Variants in ABCA3 observed in about 807,000 individuals in gnomAD.
The protein encoded by ABCA3 is phospholipid-transporting ATPase ABCA3.
ABCA3 carries 88 observed loss-of-function variants against 172.8 expected under a neutral mutation model. That is an observed-to-expected ratio of 0.51 (90% CI 0.43 to 0.61). The LOEUF is 0.61. Ranked by LOEUF, ABCA3 falls within the 20% of genes least tolerant of loss-of-function variation. The probability of loss-of-function intolerance (pLI) is 0.00; values close to 1 mark genes in which losing one functional copy is unlikely to be tolerated. For synonymous variants in ABCA3, 1,066 were observed against 983.8 expected, an observed-to-expected ratio of 1.08 and a Z score of -1.56; for missense variants, 2,164 against 2,301.0, an observed-to-expected ratio of 0.94 and a Z score of 1.22.
rs1412625046 is a variant in ABCA3, at chr16:2,317,399, T to C, written c.995A>G (p.Lys332Arg). ...FMTLLFCVKVKPNVAVLSRSD... is the reference protein window; with the variant it reads ...FMTLLFCVKVRPNVAVLSRSD... The stretch of plus-strand genomic sequence containing the variant: ...GCGGGACAGCACGGCTACATTTGGC[T>C]TCACCTGCAGGGCACAGGCATGAGT... Residue 332 changes from lysine to arginine, a missense_variant, in exon 10 of 33, where the codon AAG becomes AGG. Lys to Arg is a conservative substitution (Grantham distance 26). Coordinates refer to ENST00000301732, the MANE Select transcript of ABCA3 (RefSeq NM_001089.3). 6.2e-7 allele frequency: 1 copy of C among 1,613,582 alleles called. No homozygotes were observed. The highest frequency in any genetic ancestry group is 2.2e-5 in the East Asian group (1 of 44,856).
chr16:2,315,586 A>C (rs1055453856), intron 10 of ABCA3, among the ~76,000 whole-genome samples: 4 of 152,228 alleles, frequency 2.6e-5, no homozygotes, highest in Admixed American at 2.6e-4. Flanking sequence ...GACTCTAAAA[A>C]GCCAGGTACA....
At position 2,277,542 on chromosome 16, in the gene ABCA3, G is replaced by A; in HGVS notation, c.4983+55C>T. On this transcript the variant is annotated intron_variant, in intron 32 of 32. Transcript: ENST00000301732. The surrounding 1 kb of genome is among the most constrained non-coding windows in gnomAD (Gnocchi z 5.3). ...GTCACCACAGAGGGAGAGACCCCTGGAGGGACCTCCCCCTGCCCCATGAGT... is the reference window on the plus strand; with the variant it reads ...GTCACCACAGAGGGAGAGACCCCTGAAGGGACCTCCCCCTGCCCCATGAGT... 6.3e-7 allele frequency: 1 copy of A among 1,575,446 alleles called. No individual in the cohort carries two copies. Among genetic ancestry groups the A allele is most frequent in the East Asian group, 2.2e-5 (1 of 44,482 alleles).
chr16:2,278,874 C>G lies in ABCA3; in HGVS notation c.4547+69G>C. ...TGGCTGCTGACCTGAGCGGTCACTC[C>G]CAGCTCTATGCTATGGGGACCTTGA... On this transcript the variant is annotated intron_variant, in intron 29 of 32. Coordinates refer to ENST00000301732, the MANE Select transcript of ABCA3 (RefSeq NM_001089.3). The surrounding 1 kb of genome is among the most constrained non-coding windows in gnomAD (Gnocchi z 4.4). 1.2e-6 allele frequency: 2 copies of G among 1,605,440 alleles called. No homozygotes were observed. The highest frequency in any genetic ancestry group is 2.7e-5 in the African/African-American group (2 of 74,940).
intron 18 of ABCA3, 128 bp downstream of exon 18, chr16:2,295,462 G>T (rs1222675132): frequency 7.1e-7 from 1 of 1,401,828 alleles, no homozygotes; most frequent in Non-Finnish European, 1.0e-6. Flanking sequence ...CCAGGCTGAG[G>T]GTCTAAGAGT....
At position 2,319,732 on chromosome 16, in the gene ABCA3, G is replaced by A; in HGVS notation, c.722C>T (p.Thr241Ile). 2 of 1,613,938 alleles carry A rather than the reference G, an allele frequency of 1.2e-6. No homozygotes were observed. The highest frequency in any genetic ancestry group is 1.1e-5 in the South Asian group (1 of 91,080). ...CGGCGGGTACGGGAACCTCTTGATG[G>A]TCACCGTCAGTCTCTGGAACAGCTG... is the stretch of plus-strand genomic sequence containing the variant. ...TRQLFQRLTV[T>I]IKRFPYPPFI... The change falls in exon 8 of 33, where the codon ACC becomes ATC. Residue 241 changes from threonine to isoleucine, a missense_variant. Physicochemically the swap from Thr to Ile is moderately conservative, Grantham distance 89. Coordinates refer to ENST00000301732, the MANE Select transcript of ABCA3 (RefSeq NM_001089.3).
In ABCA3 at chr16:2,293,699, G is replaced by A. The variant is rs553142003; in HGVS notation, c.2415-1461C>T. ...ACTACAGGTGCCCGCCACCACGCCCGGCTAATTTTGTTTTTGTATTTTTAG... is the reference window on the plus strand; with the variant it reads ...ACTACAGGTGCCCGCCACCACGCCCAGCTAATTTTGTTTTTGTATTTTTAG... On this transcript the variant is annotated intron_variant, in intron 18 of 32. Transcript: ENST00000301732. Among the ~76,000 whole-genome samples the A allele has an allele frequency of 4.6e-5, 7 of 151,264 alleles. 1 individual carries two copies. The highest frequency in any genetic ancestry group is 2.0e-4 in the East Asian group (1 of 5,058).
intron 1 of ABCA3, among the ~76,000 whole-genome samples, chr16:2,334,801 A>C (rs1428969300): frequency 2.0e-5 from 3 of 149,824 alleles, no homozygotes; most frequent in Non-Finnish European, 4.4e-5. Flanking sequence ...CACAGGTGTG[A>C]GCCACCGTGC....
chr16:2,319,287 C>T (rs1567351957), intron 8 of ABCA3, among the ~76,000 whole-genome samples: 1 of 152,210 alleles, frequency 6.6e-6, no homozygotes, highest in South Asian at 2.1e-4. Flanking sequence ...AGATTGAGAC[C>T]ATCCTGGCTA....
chr16:2,303,264 CT>C lies in ABCA3; in HGVS notation c.1467+704del, dbSNP rs61369735. On this transcript the variant is annotated intron_variant, in intron 12 of 32. Transcript: ENST00000301732. ...TCAGGAATCCGAACTTTTTTTCTCT[CT>C]TTTTTTTTTTTTTTTGAGACAGACT... 7.0e-3 allele frequency among the ~76,000 whole-genome samples: 985 copies of C among 139,834 alleles called. 3 individuals are homozygous for C. Among genetic ancestry groups the C allele is most frequent in the African/African-American group, 0.017 (650 of 38,390 alleles). The allele number at this position is 139,834 out of a possible 152,430, so 91.7% of individuals were successfully genotyped here.
Position 2,292,222 on chromosome 16 carries a change from C to T in ABCA3, c.2431G>A (p.Ala811Thr), listed in dbSNP as rs779237975. 1.2e-6 allele frequency: 2 copies of T among 1,613,754 alleles called. No homozygotes were observed. Among genetic ancestry groups the T allele is most frequent in the South Asian group, 1.1e-5 (1 of 91,070 alleles). Residue 811 changes from alanine to threonine, a missense_variant, in exon 19 of 33, where the codon GCT (alanine) becomes ACT (threonine). By Grantham distance (58) the Ala-to-Thr change is moderately conservative (BLOSUM62 0). This residue lies in a region of ABCA3 where 1,343 missense variants were observed against 1,369.6 expected (regional missense o/e 0.98). Coordinates refer to ENST00000301732, the MANE Select transcript of ABCA3 (RefSeq NM_001089.3). ...TCTTTCTGCTTCTTCTCCAGTTTAG[C>T]AAAGAGACCTTCAAACCTGAAAAAC... ...ESTHRFEGLF[A>T]KLEKKQKELG...
At chr16:2,310,356 C>T (rs8056848) in intron 10 of ABCA3, among the ~76,000 whole-genome samples, 10 of 151,598 alleles carry the variant, frequency 6.6e-5, no homozygotes, top group Admixed American at 2.6e-4. Flanking sequence ...TGCAGTGAGC[C>T]GAGATCGGGT....
rs139524317 is a variant in ABCA3, at chr16:2,289,488, G to A, written c.2646C>T (p.Asp882=). The change falls in exon 20 of 33, where the codon GAC becomes GAT. Residue 882 remains aspartate, a synonymous_variant. Coordinates refer to ENST00000301732, the MANE Select transcript of ABCA3 (RefSeq NM_001089.3). The part of the protein sequence containing the change: ...SNLCGAMDPS[D]GIGALIEEER... ...CCTCCTCGATGAGGGCTCCAATGCC[G>A]TCGGAGGGGTCCATGGCCCCACAGA... is the stretch of plus-strand genomic sequence containing the variant. 2.1e-4 allele frequency: 327 copies of A among 1,586,722 alleles called. No individual in the cohort carries two copies. Among genetic ancestry groups the A allele is most frequent in the Non-Finnish European group, 2.6e-4 (301 of 1,167,818 alleles).
chr16:2,280,435 T>G (rs1176735255), intron 28 of ABCA3, among the ~76,000 whole-genome samples: 1 of 152,212 alleles, frequency 6.6e-6, no homozygotes, highest in Non-Finnish European at 1.5e-5. Flanking sequence ...AGGATGAGGC[T>G]TTCCTCCCGA....
chr16:2,289,183 G>C, intron 20 of ABCA3: 1 of 564,198 alleles, frequency 1.8e-6, no homozygotes, highest in Non-Finnish European at 3.2e-6. Context: ...ACAGAGCTGG[G>C]CACCCGACAA....
rs755350979 is a variant in ABCA3 at position 2,281,135 on chromosome 16, G to A, written c.4251C>T (p.Phe1417=). 1 of 1,613,894 alleles carries A rather than the reference G, an allele frequency of 6.2e-7. No homozygotes were observed. Among genetic ancestry groups the A allele is most frequent in the Admixed American group, 1.7e-5 (1 of 60,020 alleles). The change falls in exon 28 of 33, where the codon TTC becomes TTT. Residue 1417 remains phenylalanine (F), a synonymous_variant. Coordinates refer to ENST00000301732, the MANE Select transcript of ABCA3 (RefSeq NM_001089.3). The surrounding 1 kb of genome is among the most constrained non-coding windows in gnomAD (Gnocchi z 4.7). The part of the protein sequence containing the change: ...QKGECFGLLG[F]NGAGKTTTFK... ...AAGTCGTGGTCTTCCCGGCTCCATT[G>A]AAGCCCAGCAGGCCGAAGCACTCCC...
chr16:2,300,207 C>T, intron 12 of ABCA3, 59 bp from the exon 13 acceptor site: 9 of 1,607,968 alleles, frequency 5.6e-6, no homozygotes, highest in Non-Finnish European at 7.6e-6. Flanking sequence ...AAGCAACAAC[C>T]AGCAGACACA....
intron 3 of ABCA3, among the ~76,000 whole-genome samples, chr16:2,327,132 T>C (rs1444855164): frequency 6.6e-6 from 1 of 152,204 alleles, no homozygotes; most frequent in Non-Finnish European, 1.5e-5. Flanking sequence ...TTGTTTCTTT[T>C]GAGACAGGGT....
At position 2,298,251 on chromosome 16, in the gene ABCA3, TGACGTA is replaced by T. The variant is rs1017933915; in HGVS notation, c.1896+129_1896+134del. On this transcript the variant is annotated intron_variant, in intron 15 of 32. Coordinates refer to ENST00000301732, the MANE Select transcript of ABCA3 (RefSeq NM_001089.3). ...GGTTCTGGTGAGAGGAACCTCTCCT[TGACGTA>T]GCTGGACTCAGAACCCTGGCTCCTG... 5.1e-5 allele frequency: 72 copies of T among 1,424,602 alleles called. No homozygotes were observed. The African/African-American group carries it at 1.0e-3, about 20-fold the overall frequency. 88.2% of individuals were successfully genotyped at this position (1,424,602 alleles called of 1,614,324 possible).
intron 19 of ABCA3, among the ~76,000 whole-genome samples, chr16:2,291,501 C>T (rs2093671930): frequency 6.6e-6 from 1 of 152,180 alleles, no homozygotes; most frequent in African/African-American, 2.4e-5. Context: ...TCATTAACGA[C>T]ACAGGTATCT....
Sources: allele counts gnomAD v4.1 joint callset (sites outside exome capture counted in the v4.1 genomes callset), GRCh38; gene constraint gnomAD v4.1.1; regional missense constraint gnomAD v4.1.1; non-coding constraint Gnocchi (gnomAD v3.1); transcripts MANE v1.5; gene names NCBI Gene and HGNC (gene_info 2026-07-23, HGNC 2026-07-21).